Variants in RAD17 observed in about 807,000 individuals in gnomAD.
RAD17 encodes RAD17 checkpoint clamp loader component, also known as cell cycle checkpoint protein RAD17.
Under a neutral mutation model 81.5 loss-of-function variants are expected in RAD17, and 31 were observed. The ratio of observed to expected loss-of-function variants is 0.38; its 90% confidence interval spans 0.29 to 0.51. The LOEUF (loss-of-function observed/expected upper bound fraction) is 0.51. Among genes scored for constraint, RAD17 ranks in the 20% least tolerant of loss-of-function variants. The probability of loss-of-function intolerance (pLI) is 0.88; values close to 1 mark genes in which losing one functional copy is unlikely to be tolerated. For missense variants in RAD17, 681 were observed against 781.2 expected, an observed-to-expected ratio of 0.87 and a Z score of 1.53; for synonymous variants, 261 against 266.2, an observed-to-expected ratio of 0.98 and a Z score of 0.19.
At chr5:69,410,346 C>G (rs148676863) in intron 17 of RAD17, 147 bp from the exon 18 acceptor site, 22 of 596,300 alleles carry the variant, frequency 3.7e-5, no homozygotes, top group Non-Finnish European at 5.6e-5. Flanking sequence ...AACAGTCATC[C>G]TAATAGATGT....
At chr5:69,410,998 C>A (rs1168404) in intron 18 of RAD17, among the ~76,000 whole-genome samples, 3 of 81,308 alleles carry the variant, frequency 3.7e-5, no homozygotes, top group Non-Finnish European at 6.3e-5. Context: ...TATATATATA[C>A]TGTTCATTTT....
intron 11 of RAD17, among the ~76,000 whole-genome samples, chr5:69,388,213 T>C (rs537156626): frequency 6.6e-6 from 1 of 152,250 alleles, no homozygotes; most frequent in South Asian, 2.1e-4. Context: ...GTGAATTGAT[T>C]AGTTCAAGTG....
At chr5:69,410,989 A>ATATATATATATATG (rs1243556242) in intron 18 of RAD17, among the ~76,000 whole-genome samples, 2 of 144,246 alleles carry the variant, frequency 1.4e-5, no homozygotes, top group African/African-American at 5.0e-5. Context: ...ATATATATAT[A>ATATATATATATATG]TATATATACT....
At chr5:69,392,415 T>C (rs1363483021) in intron 13 of RAD17, among the ~76,000 whole-genome samples, 1 of 152,232 alleles carries the variant, frequency 6.6e-6, no homozygotes, top group Non-Finnish European at 1.5e-5. Flanking sequence ...TTCTCTAATT[T>C]ACAAGCGTTC....
intron 6 of RAD17, among the ~76,000 whole-genome samples, chr5:69,381,158 C>T (rs1763831455): frequency 6.6e-6 from 1 of 152,028 alleles, no homozygotes; most frequent in Admixed American, 6.6e-5. Context: ...ATAACAGTAA[C>T]TTATATCATC....
At chr5:69,377,478 C>CGT (rs1561238916) in intron 6 of RAD17, among the ~76,000 whole-genome samples, 4 of 26,820 alleles carry the variant, frequency 1.5e-4, no homozygotes, top group South Asian at 2.2e-3. Flanking sequence ...TATATATACA[C>CGT]ACACACACAT....
intron 4 of RAD17, among the ~76,000 whole-genome samples, chr5:69,373,341 T>C (rs1364914066): frequency 6.6e-6 from 1 of 152,204 alleles, no homozygotes; most frequent in Non-Finnish European, 1.5e-5. Context: ...AGTATGCACT[T>C]GCACTTACTG....
chr5:69,401,083 G>A (rs1337688155), intron 17 of RAD17, among the ~76,000 whole-genome samples: 2 of 152,018 alleles, frequency 1.3e-5, no homozygotes, highest in Admixed American at 6.6e-5. Context: ...GGTGGCACGC[G>A]TCTGTAATCC....
rs763527183 is a variant in RAD17, at chr5:69,374,116, ATAATT to A, written c.267+36_267+40del. 15 of 1,570,388 alleles carry A rather than the reference ATAATT, an allele frequency of 9.6e-6. 1 individual carries two copies. The highest frequency in any genetic ancestry group is 3.4e-4 in the Middle Eastern group (2 of 5,938). On this transcript the variant is annotated intron_variant, in intron 5 of 18. Coordinates refer to ENST00000354868, the MANE Select transcript of RAD17 (RefSeq NM_133338.3). ...CTGAAAAGCATGCAGACATATCTACATAATTTAATTTCAGGGTGCATAAGGGTAGA... is the reference window on the plus strand; with the variant it reads ...CTGAAAAGCATGCAGACATATCTACATAATTTCAGGGTGCATAAGGGTAGA...
In RAD17 at chr5:69,373,992, C is replaced by T. The variant is rs1035629874; in HGVS notation, c.172C>T (p.Leu58=). ...ATTTCCAGCGAGAAAAAGAGGAAAT[C>T]TATCTTCCTTAGAACAGATTTATGG... is the stretch of plus-strand genomic sequence containing the variant. ...SRFPARKRGN[L]SSLEQIYGLE... Residue 58 remains leucine (L), a synonymous_variant, in exon 5 of 19, where the codon CTA becomes TTA. Transcript: ENST00000354868. 2 of 1,612,906 alleles carry T rather than the reference C, an allele frequency of 1.2e-6. No individual in the cohort carries two copies. The highest frequency in any genetic ancestry group is 2.7e-5 in the African/African-American group (2 of 74,802).
upstream of RAD17, chr5:69,369,456 C>T (rs781481842): frequency 1.3e-5 from 21 of 1,610,506 alleles, no homozygotes; most frequent in Non-Finnish European, 1.6e-5. Flanking sequence ...CGGCCGCGCG[C>T]CCTGACCGGT....
intron 15 of RAD17, among the ~76,000 whole-genome samples, chr5:69,394,754 C>A (rs1431095802): frequency 6.6e-6 from 1 of 152,158 alleles, no homozygotes. Flanking sequence ...GTTAATATTT[C>A]TGTGTGCTAT....
rs1763886519 is a variant in RAD17, at chr5:69,381,954, C to T, written c.405C>T (p.Thr135=). The T allele has an allele frequency of 6.2e-7, 1 of 1,605,988 alleles. No homozygotes were observed. Among genetic ancestry groups the T allele is most frequent in the Non-Finnish European group, 8.5e-7 (1 of 1,173,268 alleles). Reference sequence around the variant, plus strand: ...CTCCTGGATGTGGAAAGACAACGACCTTAAAAATACTATCAAAGGAGCATG... The same window carrying T: ...CTCCTGGATGTGGAAAGACAACGACTTTAAAAATACTATCAAAGGAGCATG... ...TGPPGCGKTT[T]LKILSKEHGI... Residue 135 remains threonine (T), a synonymous_variant, in exon 7 of 19, where the codon ACC becomes ACT. Transcript: ENST00000354868.
chr5:69,376,412 T>C (rs1240869165), intron 6 of RAD17, among the ~76,000 whole-genome samples: 1 of 152,232 alleles, frequency 6.6e-6, no homozygotes, highest in Admixed American at 6.5e-5. Context: ...CTAGCTAGGG[T>C]TGTTTAGTTA....
rs144756930 is a variant in RAD17 at position 69,387,230 on chromosome 5, C to T, written c.894+765C>T. Among the ~76,000 whole-genome samples, 742 of 152,140 alleles carry T rather than the reference C, an allele frequency of 4.9e-3. 3 individuals carry two copies. In the Middle Eastern group the frequency reaches 0.058, roughly 12 times the overall value. ...TGAGCCTCTGTGCCCGGCTTCTTTT[C>T]ACTTTTAGTACGTCATTTTTTCTGT... On this transcript the variant is annotated intron_variant, in intron 11 of 18. Transcript: ENST00000354868.
intron 15 of RAD17, among the ~76,000 whole-genome samples, chr5:69,394,390 A>G (rs967902080): frequency 6.6e-6 from 1 of 152,080 alleles, no homozygotes; most frequent in African/African-American, 2.4e-5. Flanking sequence ...TTTAAAATTA[A>G]TACATACTCA....
At chr5:69,385,104 C>G (rs1004778505) in intron 8 of RAD17, among the ~76,000 whole-genome samples, 171 bp downstream of exon 8, 1 of 151,130 alleles carries the variant, frequency 6.6e-6, no homozygotes, top group East Asian at 2.0e-4. Flanking sequence ...GGACTACAGG[C>G]GCCCGCCACC....
At chr5:69,383,900 A>C (rs1764009515) in intron 7 of RAD17, among the ~76,000 whole-genome samples, 1 of 152,222 alleles carries the variant, frequency 6.6e-6, no homozygotes, top group Admixed American at 6.5e-5. Context: ...ACATGCCTTC[A>C]GAGAGCTTCC....
chr5:69,388,159 G>A (rs1764331460), intron 11 of RAD17, among the ~76,000 whole-genome samples: 1 of 151,968 alleles, frequency 6.6e-6, no homozygotes, highest in African/African-American at 2.4e-5. Flanking sequence ...CAGCCCAGGT[G>A]TGATATAGTA....
Sources: allele counts gnomAD v4.1 joint callset (sites outside exome capture counted in the v4.1 genomes callset), GRCh38; gene constraint gnomAD v4.1.1; transcripts MANE v1.5; gene names NCBI Gene and HGNC (gene_info 2026-07-23, HGNC 2026-07-21).